NFE2L3: variants seen among roughly 807,000 people sequenced by gnomAD.
NFE2L3 encodes the protein NFE2 like bZIP transcription factor 3.
Under a neutral mutation model 23.5 loss-of-function variants are expected in NFE2L3, and 18 were observed. The observed-to-expected ratio is 0.77, with a 90% CI of 0.53 to 1.13. The LOEUF is 1.13. Ranked by LOEUF, NFE2L3 falls within the 50% of genes most tolerant of loss-of-function variation. The probability of loss-of-function intolerance (pLI) is 0.00; values close to 1 mark genes in which losing one functional copy is unlikely to be tolerated. For missense variants in NFE2L3, 1,152 were observed against 877.2 expected, an observed-to-expected ratio of 1.31 and a Z score of -3.96; for synonymous variants, 424 against 354.5, an observed-to-expected ratio of 1.20 and a Z score of -2.20.
chr7:26,177,927 T>C lies in NFE2L3; in HGVS notation c.571-16T>C. On this transcript the variant is annotated splice_polypyrimidine_tract_variant and intron_variant, in intron 1 of 3. Coordinates refer to ENST00000056233, the MANE Select transcript of NFE2L3 (RefSeq NM_004289.7). ...AAGACTGTTTGCTTATTTGATGAAA[T>C]TTCGTACTTTTATAGGAGAATGGGG... 6.2e-7 allele frequency: 1 copy of C among 1,602,626 alleles called. No individual in the cohort carries two copies. Among genetic ancestry groups the C allele is most frequent in the Non-Finnish European group, 8.5e-7 (1 of 1,175,448 alleles).
At chr7:26,178,436 G>A (rs193301434) in intron 2 of NFE2L3, among the ~76,000 whole-genome samples, 1 of 152,234 alleles carries the variant, frequency 6.6e-6, no homozygotes, top group Non-Finnish European at 1.5e-5. Flanking sequence ...GGGGAACCTA[G>A]GAGTCCTCAA....
rs1782498522 is a variant in NFE2L3, at chr7:26,186,825, T to C, written c.*1042T>C. 1 of 152,188 alleles carries C rather than the reference T, an allele frequency of 6.6e-6. No homozygotes were observed. Among genetic ancestry groups the C allele is most frequent in the Non-Finnish European group, 1.5e-5 (1 of 68,026 alleles). 9.4% of individuals were successfully genotyped at this position (152,188 alleles called of 1,614,324 possible). The stretch of plus-strand genomic sequence containing the variant: ...AAATAAACCAGGGTAAGGTAAATTC[T>C]AGAAATAATAGCATTTGAAATGAAA... On this transcript the variant is annotated 3_prime_UTR_variant, in exon 4 of 4. Coordinates refer to ENST00000056233, the MANE Select transcript of NFE2L3 (RefSeq NM_004289.7).
chr7:26,172,723 T>G (rs1037958963), intron 1 of NFE2L3, among the ~76,000 whole-genome samples: 14 of 152,210 alleles, frequency 9.2e-5, no homozygotes, highest in African/African-American at 3.4e-4. Context: ...GAATTTTTGG[T>G]GAGAAAATCA....
rs1307098830 is a variant in NFE2L3, at chr7:26,185,769, GGAAAGA to G, written c.2077_2082del (p.Arg693_Lys694del). ...AGGCCACAAAAAGGAAACCCAAAAGGGAAAGAGAAAGTGAGAAGAAACTGAAGATGG... is the reference window on the plus strand; with the variant it reads ...AGGCCACAAAAAGGAAACCCAAAAGGGAAAGTGAGAAGAAACTGAAGATGG... On this transcript the variant is annotated inframe_deletion, in exon 4 of 4. Coordinates refer to ENST00000056233, the MANE Select transcript of NFE2L3 (RefSeq NM_004289.7). 8 of 1,578,874 alleles carry G rather than the reference GGAAAGA, an allele frequency of 5.1e-6. No homozygotes were observed. In the East Asian group the frequency reaches 6.7e-5, roughly 13 times the overall value.
intron 2 of NFE2L3, among the ~76,000 whole-genome samples, chr7:26,182,882 C>G (rs1285382983): frequency 6.6e-6 from 1 of 152,206 alleles, no homozygotes; most frequent in Admixed American, 6.5e-5. Flanking sequence ...CAGCCTCAAC[C>G]TCCTGGACTC....
chr7:26,153,499 G>T (rs1784031273), intron 1 of NFE2L3, among the ~76,000 whole-genome samples: 2 of 152,118 alleles, frequency 1.3e-5, no homozygotes, highest in Non-Finnish European at 2.9e-5. Context: ...CGACTCTCCC[G>T]GCCTAACGCA....
intron 1 of NFE2L3, among the ~76,000 whole-genome samples, chr7:26,166,948 G>C (rs887688765): frequency 2.0e-5 from 3 of 152,188 alleles, no homozygotes; most frequent in African/African-American, 7.2e-5. Flanking sequence ...GAAAGGCCTA[G>C]CTAAAGCAGT....
chr7:26,184,886 AT>A lies in NFE2L3; in HGVS notation c.1190del (p.Leu397TrpfsTer27). 6.2e-7 allele frequency: 1 copy of A among 1,613,990 alleles called. No individual in the cohort carries two copies. Among genetic ancestry groups the A allele is most frequent in the Non-Finnish European group, 8.5e-7 (1 of 1,179,850 alleles). ...NIFDEINLMS[L>X]ATEDNFDPID... ...TATTTGATGAGATAAACTTAATGTC[AT>A]TGGCCACAGAAGACAACTTTGATCC... On this transcript the variant is annotated frameshift_variant, in exon 4 of 4. Coordinates refer to ENST00000056233, the MANE Select transcript of NFE2L3 (RefSeq NM_004289.7). LOFTEE classifies it low-confidence loss of function (END_TRUNC).
At chr7:26,172,431 T>C (rs577466728) in intron 1 of NFE2L3, among the ~76,000 whole-genome samples, 1 of 152,362 alleles carries the variant, frequency 6.6e-6, no homozygotes, top group East Asian at 1.9e-4. Context: ...CAGATACTTA[T>C]TAGTGTATAT....
intron 1 of NFE2L3, among the ~76,000 whole-genome samples, chr7:26,173,218 T>G (rs767695539): frequency 2.6e-4 from 39 of 152,192 alleles, no homozygotes; most frequent in South Asian, 1.0e-3. Context: ...CAAGACATCT[T>G]ACATACCTTT....
Position 26,185,620 on chromosome 7 carries a change from T to C in NFE2L3, c.1922T>C (p.Leu641Pro). ...INIMKQKLHDLYHDIFSRLRD... is the reference protein window; with the variant it reads ...INIMKQKLHDPYHDIFSRLRD... ...ATAATGAAACAGAAACTGCATGACC[T>C]TTATCATGATATTTTTAGTAGATTA... The change falls in exon 4 of 4, where the codon CTT becomes CCT. Residue 641 changes from leucine (L) to proline (P), a missense_variant. Physicochemically the swap from Leu to Pro is moderately conservative, Grantham distance 98 (BLOSUM62 -3). Coordinates refer to ENST00000056233, the MANE Select transcript of NFE2L3 (RefSeq NM_004289.7). The C allele has an allele frequency of 6.2e-7, 1 of 1,613,860 alleles. No homozygotes were observed. The highest frequency in any genetic ancestry group is 1.3e-5 in the African/African-American group (1 of 75,006).
At chr7:26,182,344 C>T (rs1043068138) in intron 2 of NFE2L3, among the ~76,000 whole-genome samples, 1 of 152,024 alleles carries the variant, frequency 6.6e-6, no homozygotes, top group Non-Finnish European at 1.5e-5. Flanking sequence ...TCCATGTAGG[C>T]CGGGCATGGT....
chr7:26,175,778 CAAAAA>C (rs766870480), intron 1 of NFE2L3, among the ~76,000 whole-genome samples: 1 of 80,376 alleles, frequency 1.2e-5, no homozygotes, highest in Non-Finnish European at 2.7e-5. Context: ...GACTCTGTCT[CAAAAA>C]AAAAAAAAAA....
At chr7:26,171,715 T>A (rs927006674) in intron 1 of NFE2L3, among the ~76,000 whole-genome samples, 6 of 152,176 alleles carry the variant, frequency 3.9e-5, no homozygotes, top group African/African-American at 1.4e-4. Context: ...TCACTTGTAT[T>A]TTTGGTTCCC....
intron 1 of NFE2L3, among the ~76,000 whole-genome samples, chr7:26,175,452 A>G (rs908887922): frequency 1.3e-5 from 2 of 152,182 alleles, no homozygotes; most frequent in Admixed American, 6.5e-5. Context: ...CCTGTTGCCA[A>G]CCTTCAGAGA....
At chr7:26,169,115 C>T (rs1328697830) in intron 1 of NFE2L3, among the ~76,000 whole-genome samples, 2 of 152,190 alleles carry the variant, frequency 1.3e-5, no homozygotes, top group Non-Finnish European at 2.9e-5. Context: ...TTACAAATTC[C>T]GTAGGCCTTT....
chr7:26,153,933 C>T (rs1226788817), intron 1 of NFE2L3, among the ~76,000 whole-genome samples: 2 of 152,224 alleles, frequency 1.3e-5, no homozygotes, highest in Non-Finnish European at 2.9e-5. Flanking sequence ...TTGGCTCAAA[C>T]TTTAGTGTTT....
chr7:26,177,334 C>T (rs1355409619), intron 1 of NFE2L3, among the ~76,000 whole-genome samples: 2 of 152,234 alleles, frequency 1.3e-5, no homozygotes, highest in East Asian at 1.9e-4. Context: ...AGCGAGACTC[C>T]CTCTGCAATC....
At chr7:26,178,730 C>T (rs1784458140) in intron 2 of NFE2L3, among the ~76,000 whole-genome samples, 1 of 152,184 alleles carries the variant, frequency 6.6e-6, no homozygotes, top group Non-Finnish European at 1.5e-5. Context: ...TGTGCTTCCT[C>T]CTCCTTTCAT....
Sources: gnomAD v4.1 joint callset for allele counts (sites outside exome capture counted in the v4.1 genomes callset) on GRCh38, gnomAD v4.1.1 for gene constraint, MANE v1.5 for transcripts, NCBI Gene and HGNC (gene_info 2026-07-23, HGNC 2026-07-21) for gene names.